The following STK3 variants were observed in gnomAD, a reference collection of about 807,000 sequenced individuals.
The protein encoded by STK3 is serine/threonine kinase 3.
A neutral mutation model predicts 58.0 loss-of-function variants in STK3; 41 were observed. The observed-to-expected ratio is 0.71, with a 90% confidence interval of 0.55 to 0.92. The LOEUF (loss-of-function observed/expected upper bound fraction) is 0.92. Ranked by LOEUF, STK3 falls within the 40% of genes least tolerant of loss-of-function variation. STK3 has a pLI of 0.00. For synonymous variants in STK3, 170 were observed against 191.0 expected, an observed-to-expected ratio of 0.89 and a Z score of 0.91; for missense variants, 479 against 602.7, an observed-to-expected ratio of 0.79 and a Z score of 2.15.
chr8:98,796,558 G>A (rs1833177565), intron 1 of STK3, among the ~76,000 whole-genome samples: 1 of 152,082 alleles, frequency 6.6e-6, no homozygotes, highest in African/African-American at 2.4e-5. Flanking sequence ...ATCAGCCTTG[G>A]GAAAGAATTT....
rs1274619613 is a variant in STK3, at chr8:98,698,122, CTTCT to C, written c.684+8341_684+8344del. Among the ~76,000 whole-genome samples the C allele has an allele frequency of 9.9e-5, 15 of 152,120 alleles. 1 individual carries two copies. The highest frequency in any genetic ancestry group is 7.9e-4 in the Admixed American group (12 of 15,278). On this transcript the variant is annotated intron_variant, in intron 6 of 10. Transcript: ENST00000419617. ...GATCCCTTCACCATTATGTAATGGC[CTTCT>C]TTGTCTCTTTTGATCTTTGTTGGTT... is the stretch of plus-strand genomic sequence containing the variant.
At chr8:98,424,428 A>G (rs1465823718) in intron 3 of STK3, among the ~76,000 whole-genome samples, 6 of 152,000 alleles carry the variant, frequency 3.9e-5, no homozygotes, top group African/African-American at 1.4e-4. Context: ...GGAGAGAGGG[A>G]GGAAGGTAGG....
rs182029202 is a variant in STK3, at chr8:98,671,651, G to A, written c.684+34816C>T. On this transcript the variant is annotated intron_variant, in intron 6 of 10. Transcript: ENST00000419617. ...GGCTAGAGTGCAGTGGTGTAATCAT[G>A]GCTCACTGCAGCCTCGACCTCCTGA... Among the ~76,000 whole-genome samples the A allele has an allele frequency of 3.7e-3, 558 of 151,892 alleles. 2 individuals are homozygous for A. Among genetic ancestry groups the A allele is most frequent in the Non-Finnish European group, 6.1e-3 (417 of 67,932 alleles).
Position 98,587,167 on chromosome 8 carries a change from C to G in STK3, c.823-7378G>C, listed in dbSNP as rs527431577. Among the ~76,000 whole-genome samples, 5 of 152,082 alleles carry G rather than the reference C, an allele frequency of 3.3e-5. No homozygotes were observed. In the East Asian group the frequency reaches 9.7e-4, roughly 29 times the overall value. On this transcript the variant is annotated intron_variant, in intron 7 of 10. Transcript: ENST00000419617. ...TTTGAATGTGTTTGCTCTGGCTTTTCTAGTTCTTTTAATTGTGATGTTAGG... is the reference window on the plus strand; with the variant it reads ...TTTGAATGTGTTTGCTCTGGCTTTTGTAGTTCTTTTAATTGTGATGTTAGG...
At chr8:98,520,691 C>G (rs1825290920) in intron 10 of STK3, among the ~76,000 whole-genome samples, 1 of 151,956 alleles carries the variant, frequency 6.6e-6, no homozygotes, top group African/African-American at 2.4e-5. Context: ...CAGTTCTCTT[C>G]TAGAAGGCGG....
At chr8:98,724,250 G>T (rs1370840414) in intron 4 of STK3, among the ~76,000 whole-genome samples, 1 of 152,074 alleles carries the variant, frequency 6.6e-6, no homozygotes, top group Non-Finnish European at 1.5e-5. Context: ...AACATTTAAG[G>T]CCTTGAATGA....
chr8:98,655,894 T>C (rs972055001), intron 6 of STK3, among the ~76,000 whole-genome samples: 54 of 152,226 alleles, frequency 3.5e-4, no homozygotes, highest in Admixed American at 1.3e-3. Context: ...GGTGGGAATG[T>C]AAATGAGTTC....
chr8:98,830,901 C>T (rs566614960), intron 3 of STK3, among the ~76,000 whole-genome samples: 7 of 140,946 alleles, frequency 5.0e-5, no homozygotes, highest in South Asian at 2.2e-4. Context: ...ACCCGGGAGG[C>T]GAAGCTTGCA....
At chr8:98,589,807 A>AT (rs1815104340) in intron 7 of STK3, among the ~76,000 whole-genome samples, 1 of 152,122 alleles carries the variant, frequency 6.6e-6, no homozygotes, top group African/African-American at 2.4e-5. Context: ...GTGGTGCACC[A>AT]TTTTTTAAGC....
intron 1 of STK3, among the ~76,000 whole-genome samples, chr8:98,931,376 C>T (rs1289759713): frequency 1.3e-5 from 2 of 152,182 alleles, no homozygotes; most frequent in Non-Finnish European, 2.9e-5. Context: ...ATAAAGTCTA[C>T]TTTATGGAAG....
At chr8:98,671,553 T>A (rs747240049) in intron 6 of STK3, among the ~76,000 whole-genome samples, 2 of 152,116 alleles carry the variant, frequency 1.3e-5, no homozygotes, top group East Asian at 3.9e-4. Context: ...GGTTTTTGTA[T>A]ATAAATTTTT....
chr8:98,353,954 AT>A, the STK3 span, among the ~76,000 whole-genome samples: 4 of 152,076 alleles, frequency 2.6e-5, no homozygotes, highest in African/African-American at 7.2e-5. Context: ...CTAGTAATAT[AT>A]TTTTTTAAAA....
chr8:98,669,675 C>G (rs1007314612), intron 6 of STK3, among the ~76,000 whole-genome samples: 1 of 152,144 alleles, frequency 6.6e-6, no homozygotes, highest in South Asian at 2.1e-4. Flanking sequence ...AATGAACACC[C>G]GGAATACAGG....
chr8:98,464,412 C>G (rs1034886387), intron 10 of STK3, among the ~76,000 whole-genome samples: 8 of 151,522 alleles, frequency 5.3e-5, no homozygotes, highest in Admixed American at 4.6e-4. Flanking sequence ...ACAATGAGAA[C>G]AGGAAACACA....
intron 1 of STK3, among the ~76,000 whole-genome samples, chr8:98,919,823 C>G (rs187937688): frequency 8.5e-5 from 13 of 152,206 alleles, no homozygotes; most frequent in Non-Finnish European, 1.8e-4. Flanking sequence ...GCAGGTAGGA[C>G]TGGGGACCAG....
chr8:98,759,002 G>A (rs2131398950), intron 3 of STK3, among the ~76,000 whole-genome samples: 1 of 152,316 alleles, frequency 6.6e-6, no homozygotes, highest in African/African-American at 2.4e-5. Flanking sequence ...TGGCTGGTTT[G>A]AACTTCTATC....
intron 9 of STK3, among the ~76,000 whole-genome samples, chr8:98,538,472 GAACTT>G (rs1809968176): frequency 6.6e-6 from 1 of 152,178 alleles, no homozygotes; most frequent in South Asian, 2.1e-4. Flanking sequence ...GTCTGAGAAA[GAACTT>G]AATAAGTATC....
chr8:98,413,613 C>A, intron 3 of STK3: 1 of 711,288 alleles, frequency 1.4e-6, no homozygotes, highest in Non-Finnish European at 2.7e-6. Flanking sequence ...TTGTTGGATA[C>A]AAAGACAAAG....
intron 6 of STK3, among the ~76,000 whole-genome samples, chr8:98,692,014 T>C (rs1563894426): frequency 6.6e-6 from 1 of 151,226 alleles, no homozygotes; most frequent in Non-Finnish European, 1.5e-5. Flanking sequence ...AATAAGCATA[T>C]GAAAAGATGT....
Sources: gnomAD v4.1 joint callset for allele counts (sites outside exome capture counted in the v4.1 genomes callset) on GRCh38, gnomAD v4.1.1 for gene constraint, MANE v1.5 for transcripts, NCBI Gene and HGNC (gene_info 2026-07-23, HGNC 2026-07-21) for gene names.